Variants in KCNMB2 observed in about 807,000 individuals in gnomAD.
KCNMB2 encodes the protein potassium calcium-activated channel subfamily M regulatory beta subunit 2, also known as calcium-activated potassium channel subunit beta-2.
In KCNMB2, 9 loss-of-function variants were observed where a neutral mutation model predicts 24.5. The observed-to-expected ratio is 0.37, with a 90% CI of 0.22 to 0.64. The LOEUF (loss-of-function observed/expected upper bound fraction) is 0.64, where lower values mean the gene tolerates loss of function less well. Ranked by LOEUF, KCNMB2 falls within the 30% of genes least tolerant of loss-of-function variation. KCNMB2 has a pLI of 0.63. For missense variants in KCNMB2, 226 were observed against 284.3 expected, an observed-to-expected ratio of 0.79 and a Z score of 1.47; for synonymous variants, 109 against 104.4, an observed-to-expected ratio of 1.04 and a Z score of -0.27.
chr3:178,586,690 A>G (rs1197050616), intron 1 of KCNMB2, among the ~76,000 whole-genome samples: 2 of 151,612 alleles, frequency 1.3e-5, no homozygotes, highest in Non-Finnish European at 2.9e-5. Flanking sequence ...GATTACAGGC[A>G]TGTGCCACCA....
At chr3:178,826,377 C>T (rs974807249) in intron 3 of KCNMB2, among the ~76,000 whole-genome samples, 1 of 152,172 alleles carries the variant, frequency 6.6e-6, no homozygotes, top group African/African-American at 2.4e-5. Flanking sequence ...TTCTAATGGG[C>T]CTTCTAGGCT....
chr3:178,636,537 T>C (rs1050285482), intron 1 of KCNMB2, among the ~76,000 whole-genome samples: 3 of 152,256 alleles, frequency 2.0e-5, no homozygotes, highest in African/African-American at 7.2e-5. Flanking sequence ...CCTTGTGATA[T>C]CACTGTGCAT....
At chr3:178,689,092 T>C (rs1361897288) in intron 1 of KCNMB2, among the ~76,000 whole-genome samples, 1 of 152,182 alleles carries the variant, frequency 6.6e-6, no homozygotes, top group African/African-American at 2.4e-5. Flanking sequence ...AAAGTTAGCA[T>C]TCAGAAAATC....
At chr3:178,717,586 A>T (rs1272586973) in intron 1 of KCNMB2, among the ~76,000 whole-genome samples, 1 of 152,168 alleles carries the variant, frequency 6.6e-6, no homozygotes, top group Non-Finnish European at 1.5e-5. Context: ...TTCTGTTCAC[A>T]TTAAGTGTGA....
intron 4 of KCNMB2, 122 bp from the exon 5 acceptor site, chr3:178,842,531 T>A (rs764658046): frequency 1.5e-6 from 1 of 660,874 alleles, no homozygotes; most frequent in Non-Finnish European, 2.6e-6. Context: ...AGTTTGAATA[T>A]GAAAAGAATA....
At chr3:178,641,447 AT>A (rs566284300) in intron 1 of KCNMB2, among the ~76,000 whole-genome samples, 2 of 151,850 alleles carry the variant, frequency 1.3e-5, no homozygotes, top group African/African-American at 2.4e-5. Flanking sequence ...ATGTGATACT[AT>A]TTTTTTTAAA....
At chr3:178,781,697 G>A (rs1275463069) in intron 1 of KCNMB2, among the ~76,000 whole-genome samples, 1 of 151,940 alleles carries the variant, frequency 6.6e-6, no homozygotes, top group East Asian at 1.9e-4. Context: ...GAGGAACAGG[G>A]GGGAGTGATG....
chr3:178,583,989 G>A (rs1717315400), intron 1 of KCNMB2, among the ~76,000 whole-genome samples: 1 of 152,174 alleles, frequency 6.6e-6, no homozygotes, highest in Non-Finnish European at 1.5e-5. Flanking sequence ...AACTTAGGTT[G>A]AAATCATTTA....
intron 1 of KCNMB2, among the ~76,000 whole-genome samples, chr3:178,727,720 C>T (rs774885509): frequency 2.0e-5 from 3 of 152,104 alleles, no homozygotes; most frequent in Non-Finnish European, 4.4e-5. Flanking sequence ...CCCTTAGAGC[C>T]TCTAGGAAGG....
intron 1 of KCNMB2, among the ~76,000 whole-genome samples, chr3:178,702,678 A>T (rs2108342047): frequency 6.6e-6 from 1 of 152,178 alleles, no homozygotes; most frequent in African/African-American, 2.4e-5. Flanking sequence ...AAGCTCCAAT[A>T]GCCTTCACAT....
intron 1 of KCNMB2, among the ~76,000 whole-genome samples, chr3:178,600,021 G>A (rs1243455589): frequency 6.6e-6 from 1 of 152,150 alleles, no homozygotes; most frequent in Non-Finnish European, 1.5e-5. Context: ...GGGATTACAG[G>A]TGTGTGCCAC....
rs750221839 is a variant in KCNMB2, at chr3:178,714,160, A to G, written c.-67-93183A>G. ...CTTCAGTCACACACACACACAGTGG[A>G]AATACCAGACACACTCTTTCTTCTT... is the stretch of plus-strand genomic sequence containing the variant. On this transcript the variant is annotated intron_variant, in intron 1 of 4. Coordinates refer to ENST00000452583, the MANE Select transcript of KCNMB2 (RefSeq NM_181361.3). Among the ~76,000 whole-genome samples the G allele has an allele frequency of 5.2e-4, 79 of 151,898 alleles. 1 individual carries two copies. The highest frequency in any genetic ancestry group is 8.8e-5 in the Non-Finnish European group (6 of 67,948).
intron 1 of KCNMB2, among the ~76,000 whole-genome samples, chr3:178,690,531 G>T (rs2108328479): frequency 6.6e-6 from 1 of 152,254 alleles, no homozygotes; most frequent in South Asian, 2.1e-4. Flanking sequence ...GAATGAGAAG[G>T]AAGAAGGAAG....
intron 2 of KCNMB2, among the ~76,000 whole-genome samples, chr3:178,809,469 G>C (rs893031566): frequency 6.6e-6 from 1 of 152,110 alleles, no homozygotes; most frequent in Admixed American, 6.5e-5. Context: ...GGAAACTGAG[G>C]CTTTTTAAAT....
At chr3:178,672,204 C>T (rs1226288238) in intron 1 of KCNMB2, among the ~76,000 whole-genome samples, 1 of 152,154 alleles carries the variant, frequency 6.6e-6, no homozygotes, top group East Asian at 1.9e-4. Context: ...TTTCTACGTT[C>T]CAGGACTCTA....
At chr3:178,623,750 G>T (rs1719002269) in intron 1 of KCNMB2, among the ~76,000 whole-genome samples, 1 of 151,996 alleles carries the variant, frequency 6.6e-6, no homozygotes, top group Non-Finnish European at 1.5e-5. Flanking sequence ...CTCCTGTTTT[G>T]GAAACATGCC....
At chr3:178,730,405 A>ACCCCC (rs71181246) in intron 1 of KCNMB2, among the ~76,000 whole-genome samples, 6 of 112,152 alleles carry the variant, frequency 5.3e-5, no homozygotes, top group Non-Finnish European at 1.1e-4. Context: ...GTCCCCCAAC[A>ACCCCC]CCCCCCCACA....
intron 1 of KCNMB2, among the ~76,000 whole-genome samples, chr3:178,781,596 AAAT>A (rs976334381): frequency 2.0e-5 from 3 of 151,152 alleles, no homozygotes; most frequent in Non-Finnish European, 4.4e-5. Flanking sequence ...AAAATTTAAA[AAAT>A]AATAATAATA....
At position 178,782,612 on chromosome 3, in the gene KCNMB2, T is replaced by C. The variant is rs1712906056; in HGVS notation, c.-67-24731T>C. Reference sequence around the variant, plus strand: ...TTCTTTTGAGAAGTGTCTGTTCATGTCCTTTGCCCACTTTTTGATGGGGTT... The same window carrying C: ...TTCTTTTGAGAAGTGTCTGTTCATGCCCTTTGCCCACTTTTTGATGGGGTT... On this transcript the variant is annotated intron_variant, in intron 1 of 4. Transcript: ENST00000452583. Among the ~76,000 whole-genome samples the C allele has an allele frequency of 2.0e-5, 3 of 147,592 alleles. No homozygotes were observed. In the South Asian group the frequency reaches 6.7e-4, roughly 33 times the overall value.
Sources: gnomAD v4.1 joint callset for allele counts (sites outside exome capture counted in the v4.1 genomes callset) on GRCh38, gnomAD v4.1.1 for gene constraint, MANE v1.5 for transcripts, NCBI Gene and HGNC (gene_info 2026-07-23, HGNC 2026-07-21) for gene names.